SLIT1: variants seen among roughly 807,000 people sequenced by gnomAD.
SLIT1 encodes slit guidance ligand 1.
Under a neutral mutation model 186.1 loss-of-function variants are expected in SLIT1, and 66 were observed. The ratio of observed to expected loss-of-function variants is 0.35; its 90% CI spans 0.29 to 0.44. The LOEUF is 0.44. Among genes scored for constraint, SLIT1 ranks in the 20% least tolerant of loss-of-function variants. SLIT1 has a pLI of 1.00. For synonymous variants in SLIT1, 761 were observed against 833.8 expected, an observed-to-expected ratio of 0.91 and a Z score of 1.50; for missense variants, 1,638 against 2,037.4, an observed-to-expected ratio of 0.80 and a Z score of 3.77.
At chr10:97,110,799 G>T in intron 4 of SLIT1, among the ~76,000 whole-genome samples, 1 of 152,178 alleles carries the variant, frequency 6.6e-6, no homozygotes, top group East Asian at 1.9e-4. Context: ...GTTTGGTGGT[G>T]AATTCATGGA....
At chr10:97,054,760 GA>G (rs1848822232) in intron 13 of SLIT1, among the ~76,000 whole-genome samples, 1 of 152,160 alleles carries the variant, frequency 6.6e-6, no homozygotes, top group African/African-American at 2.4e-5. Flanking sequence ...AGACCCTACA[GA>G]ACCAATGATG....
intron 9 of SLIT1, 132 bp downstream of exon 9, chr10:97,060,508 T>A: frequency 8.8e-7 from 1 of 1,132,602 alleles, no homozygotes; most frequent in Non-Finnish European, 1.3e-6. Flanking sequence ...AGAGGCAAAC[T>A]GTGTCTTCTC....
intron 28 of SLIT1, among the ~76,000 whole-genome samples, chr10:97,017,228 C>T (rs942865842): frequency 3.3e-5 from 5 of 152,146 alleles, no homozygotes; most frequent in African/African-American, 4.8e-5. Context: ...ACCGAAGCCC[C>T]GAGGAGGCTG....
chr10:97,171,773 C>T (rs1003853199), intron 1 of SLIT1, among the ~76,000 whole-genome samples: 2 of 151,414 alleles, frequency 1.3e-5, no homozygotes, highest in African/African-American at 4.9e-5. Flanking sequence ...GAGGTGAGAT[C>T]GTGCCAGTGC....
Position 97,013,825 on chromosome 10 carries a change from C to T in SLIT1, c.3119G>A (p.Cys1040Tyr). Residue 1040 changes from cysteine to tyrosine, a missense_variant, in exon 30 of 37, where the codon TGT (cysteine) becomes TAT (tyrosine). Cys to Tyr is a radical substitution (Grantham distance 194, BLOSUM62 -2). This residue lies in a region of SLIT1 where 1,245 missense variants were observed against 1,535.3 expected (regional missense o/e 0.81). Transcript: ENST00000266058. ...QCPLQYEGKA[C>Y]EQLVDLCSPD... ...AGAGCACAAGTCCACCAGCTGCTCA[C>T]AGGCCTTTCCTGGGGAAAGAACGAG... The T allele has an allele frequency of 6.4e-7, 1 of 1,551,682 alleles. No individual in the cohort carries two copies. The highest frequency in any genetic ancestry group is 8.7e-7 in the Non-Finnish European group (1 of 1,146,996).
chr10:97,081,850 G>T (rs958499438), intron 4 of SLIT1, among the ~76,000 whole-genome samples: 1 of 152,274 alleles, frequency 6.6e-6, no homozygotes, highest in East Asian at 1.9e-4. Context: ...GAATCCATCC[G>T]GCGGCTCTTC....
chr10:97,065,050 C>A (rs1848931090), intron 5 of SLIT1, among the ~76,000 whole-genome samples, 174 bp from the exon 6 acceptor site: 1 of 151,992 alleles, frequency 6.6e-6, no homozygotes, highest in South Asian at 2.1e-4. Flanking sequence ...GGGTTTTTTT[C>A]TAATTTTCAG....
At chr10:97,088,321 C>T (rs1207179337) in intron 4 of SLIT1, among the ~76,000 whole-genome samples, 1 of 152,234 alleles carries the variant, frequency 6.6e-6, no homozygotes, top group Non-Finnish European at 1.5e-5. Context: ...TTCTCCACCC[C>T]TTTCTCACAG....
rs569526713 is a variant in SLIT1, at chr10:97,093,051, A to G, written c.414-26965T>C. Among the ~76,000 whole-genome samples the G allele has an allele frequency of 1.1e-4, 17 of 152,336 alleles. No individual in the cohort carries two copies. The South Asian group carries it at 3.3e-3, about 30-fold the overall frequency. On this transcript the variant is annotated intron_variant, in intron 4 of 36. Transcript: ENST00000266058. ...GTCTGCCTTAATCCACATCTTAACC[A>G]CTGTACAAAAAACTGCCCTCCCTGG...
Position 97,002,944 on chromosome 10 carries a change from A to G in SLIT1, c.3914T>C (p.Leu1305Pro). ...GCAACCGTGGAAGCCGGTGCCGTTG[A>G]GGATCTGCCACAGGCGGAAGGCAGC... is the stretch of plus-strand genomic sequence containing the variant. ...NSAAFRLWQILNGTGFHGCIR... is the reference protein window; with the variant it reads ...NSAAFRLWQIPNGTGFHGCIR... The change falls in exon 35 of 37, where the codon CTC (leucine) becomes CCC (proline). Residue 1305 changes from leucine (L) to proline (P), a missense_variant. By Grantham distance (98) the Leu-to-Pro change is moderately conservative. This residue lies in a region of SLIT1 where 173 missense variants were observed against 290.9 expected (regional missense o/e 0.59). Transcript: ENST00000266058. 6.2e-7 allele frequency: 1 copy of G among 1,614,174 alleles called. No individual in the cohort carries two copies. Among genetic ancestry groups the G allele is most frequent in the Non-Finnish European group, 8.5e-7 (1 of 1,180,020 alleles).
intron 4 of SLIT1, among the ~76,000 whole-genome samples, chr10:97,086,253 A>G (rs764414787): frequency 3.9e-5 from 6 of 152,200 alleles, no homozygotes; most frequent in Non-Finnish European, 8.8e-5. Flanking sequence ...CATCCAGACA[A>G]TGGAATATTA....
intron 4 of SLIT1, among the ~76,000 whole-genome samples, chr10:97,129,525 G>A (rs1849634441): frequency 6.6e-6 from 1 of 152,200 alleles, no homozygotes; most frequent in Admixed American, 6.5e-5. Flanking sequence ...GACGTGGACT[G>A]TTGCAGCTAG....
rs761500746 is a variant in SLIT1, at chr10:97,018,957, C to A, written c.2871+26G>T. The A allele has an allele frequency of 3.5e-6, 5 of 1,439,400 alleles. No individual in the cohort carries two copies. In the African/African-American group the frequency reaches 7.0e-5, roughly 20 times the overall value. 89.2% of individuals were successfully genotyped at this position (1,439,400 alleles called of 1,614,324 possible). ...TGCAGTGTACACGAAGAGCCCTCCT[C>A]CTCCCCGGCCTCTGCCTCCACTCAC... On this transcript the variant is annotated intron_variant, in intron 27 of 36. Coordinates refer to ENST00000266058, the MANE Select transcript of SLIT1 (RefSeq NM_003061.3).
intron 32 of SLIT1, among the ~76,000 whole-genome samples, chr10:97,005,819 A>G (rs993373298): frequency 6.6e-6 from 1 of 152,180 alleles, no homozygotes; most frequent in African/African-American, 2.4e-5. Flanking sequence ...AAAGGAAAAG[A>G]GGACAAAAGA....
chr10:97,106,905 C>T (rs900780670), intron 4 of SLIT1, among the ~76,000 whole-genome samples: 1 of 152,196 alleles, frequency 6.6e-6, no homozygotes, highest in Non-Finnish European at 1.5e-5. Context: ...ACATCTGCAG[C>T]GACACGCATC....
At chr10:97,038,002 G>A (rs947718905) in intron 21 of SLIT1, among the ~76,000 whole-genome samples, 9 of 152,070 alleles carry the variant, frequency 5.9e-5, no homozygotes, top group African/African-American at 1.7e-4. Flanking sequence ...GGCCTCTCTC[G>A]GTTCCCTTCT....
rs147703902 is a variant in SLIT1, at chr10:97,185,525, C to T, written c.150G>A (p.Thr50=). ...TATTCTTGGGAATGGCCTGCAGCCCCGTGCCGTGGCAGTCCACCGTGGTTC... is the reference window on the plus strand; with the variant it reads ...TATTCTTGGGAATGGCCTGCAGCCCTGTGCCGTGGCAGTCCACCGTGGTTC... ...CTGTTVDCHG[T]GLQAIPKNIP... Residue 50 remains threonine (T), a synonymous_variant, in exon 1 of 37, where the codon ACG becomes ACA. Transcript: ENST00000266058. 54 of 1,612,152 alleles carry T rather than the reference C, an allele frequency of 3.3e-5. No individual in the cohort carries two copies. Among genetic ancestry groups the T allele is most frequent in the Non-Finnish European group, 4.5e-5 (53 of 1,179,678 alleles).
At chr10:97,058,264 G>A (rs935221728) in intron 11 of SLIT1, among the ~76,000 whole-genome samples, 8 of 152,218 alleles carry the variant, frequency 5.3e-5, no homozygotes, top group African/African-American at 1.9e-4. Context: ...GGGAGGCAAG[G>A]TCAGGGCTGG....
At chr10:97,121,295 G>A (rs1252949126) in intron 4 of SLIT1, among the ~76,000 whole-genome samples, 2 of 152,082 alleles carry the variant, frequency 1.3e-5, no homozygotes, top group African/African-American at 2.4e-5. Context: ...GAAGGCAGTC[G>A]GCTTACCCCC....
Sources: gnomAD v4.1 joint callset for allele counts (sites outside exome capture counted in the v4.1 genomes callset) on GRCh38, gnomAD v4.1.1 for gene constraint, gnomAD v4.1.1 regional missense constraint, MANE v1.5 for transcripts, NCBI Gene and HGNC (gene_info 2026-07-23, HGNC 2026-07-21) for gene names.